The following PPP1R21 variants were observed in gnomAD, a reference collection of about 807,000 sequenced individuals.
The protein encoded by PPP1R21 is protein phosphatase 1 regulatory subunit 21, also known as KLRAQ motif containing 1.
A neutral mutation model predicts 112.8 loss-of-function variants in PPP1R21; 85 were observed. The observed-to-expected ratio is 0.75, with a 90% CI of 0.63 to 0.90. The LOEUF (loss-of-function observed/expected upper bound fraction) is 0.90, where lower values mean the gene tolerates loss of function less well. PPP1R21 is among the 40% of genes least tolerant of loss of function. PPP1R21 has a pLI of 0.00. For missense variants in PPP1R21, 1,199 were observed against 901.5 expected (o/e 1.33, Z -4.23); for synonymous variants, 381 against 322.3 (o/e 1.18, Z -1.95).
chr2:48,508,313 G>A (rs186695663), intron 19 of PPP1R21, among the ~76,000 whole-genome samples: 22 of 152,270 alleles, frequency 1.4e-4, no homozygotes, highest in African/African-American at 4.1e-4. Flanking sequence ...AATGCTTAAC[G>A]TTGTTAAATT....
intron 11 of PPP1R21, among the ~76,000 whole-genome samples, chr2:48,472,101 G>A (rs1020185620): frequency 2.6e-5 from 4 of 151,732 alleles, no homozygotes; most frequent in Admixed American, 1.3e-4. Context: ...TTAGCCGGGC[G>A]TTGTGGTGCA....
chr2:48,479,653 A>G (rs996538933), intron 12 of PPP1R21: 25 of 612,670 alleles, frequency 4.1e-5, no homozygotes, highest in Middle Eastern at 5.4e-4. Context: ...CTTTCGTTTT[A>G]CAAAGAATCA....
intron 7 of PPP1R21, 87 bp downstream of exon 7, chr2:48,461,319 G>C: frequency 7.3e-7 from 1 of 1,365,558 alleles, no homozygotes; most frequent in Non-Finnish European, 9.5e-7. Flanking sequence ...TAATCTTTTG[G>C]GCAAAAAATT....
At chr2:48,465,722 A>G in intron 9 of PPP1R21, 80 bp downstream of exon 9, 1 of 1,304,364 alleles carries the variant, frequency 7.7e-7, no homozygotes. Flanking sequence ...TCTTCTGTGC[A>G]CCATCCAAGT....
intron 17 of PPP1R21, among the ~76,000 whole-genome samples, chr2:48,503,135 A>G (rs1273002410): frequency 6.6e-6 from 1 of 152,142 alleles, no homozygotes; most frequent in East Asian, 1.9e-4. Context: ...AACAATATAC[A>G]TTTCTGTTTT....
Position 48,440,974 on chromosome 2 carries a change from G to C in PPP1R21, c.21G>C (p.Gln7His). Residue 7 changes from glutamine (Q) to histidine (H), a missense_variant, in exon 1 of 22, where the codon CAG becomes CAC. Physicochemically the swap from Gln to His is conservative, Grantham distance 24. Coordinates refer to ENST00000294952, the MANE Select transcript of PPP1R21 (RefSeq NM_001135629.3). ...AGGCCATGGCCTCGGCTGAGTTGCA[G>C]GGGAAGTACCAGAAGCTGGCTCAGG... MASAEL[Q>H]GKYQKLAQEY... is the part of the protein sequence containing the mutation. 6.2e-7 allele frequency: 1 copy of C among 1,612,294 alleles called. No homozygotes were observed. The highest frequency in any genetic ancestry group is 8.5e-7 in the Non-Finnish European group (1 of 1,178,904).
intron 12 of PPP1R21, chr2:48,479,482 A>G (rs750153288): frequency 5.9e-5 from 28 of 472,808 alleles, no homozygotes; most frequent in Non-Finnish European, 1.1e-4. Flanking sequence ...AAATTTTACC[A>G]GTTTTGCAGA....
At chr2:48,473,751 T>G (rs1370124783) in intron 11 of PPP1R21, among the ~76,000 whole-genome samples, 1 of 146,786 alleles carries the variant, frequency 6.8e-6, no homozygotes, top group Non-Finnish European at 1.5e-5. Flanking sequence ...TCTAAAAACC[T>G]TTTTTTTTTG....
At chr2:48,501,454 G>T (rs946363679) in intron 17 of PPP1R21, among the ~76,000 whole-genome samples, 2 of 152,312 alleles carry the variant, frequency 1.3e-5, no homozygotes. Context: ...GTATTAGTCA[G>T]TCAGTCAGTC....
chr2:48,489,306 C>T (rs1289583700), intron 14 of PPP1R21, among the ~76,000 whole-genome samples: 1 of 150,408 alleles, frequency 6.6e-6, no homozygotes, highest in African/African-American at 2.4e-5. Flanking sequence ...AGTTCAAGAC[C>T]AGCCTGGGCA....
rs1667899926 is a variant in PPP1R21 at position 48,459,880 on chromosome 2, A to G, written c.502A>G (p.Thr168Ala). Residue 168 changes from threonine to alanine, a missense_variant, in exon 5 of 22, where the codon ACC becomes GCC. Coordinates refer to ENST00000294952, the MANE Select transcript of PPP1R21 (RefSeq NM_001135629.3). Reference sequence around the variant, plus strand: ...CGGTCTCACCCGGAAGTACATGGAAACCATTGAGAAGCTGCAGAACGACAA... The same window carrying G: ...CGGTCTCACCCGGAAGTACATGGAAGCCATTGAGAAGCTGCAGAACGACAA... ...VDGLTRKYME[T>A]IEKLQNDKAK... 1 of 1,614,210 alleles carries G rather than the reference A, an allele frequency of 6.2e-7. No individual in the cohort carries two copies. The highest frequency in any genetic ancestry group is 8.5e-7 in the Non-Finnish European group (1 of 1,180,044).
chr2:48,507,873 C>G (rs1255961847), intron 19 of PPP1R21, among the ~76,000 whole-genome samples: 1 of 144,436 alleles, frequency 6.9e-6, no homozygotes, highest in East Asian at 2.1e-4. Flanking sequence ...TCGAGCGATT[C>G]TCCCGCCCCA....
At chr2:48,491,313 C>G in intron 15 of PPP1R21, 143 bp downstream of exon 15, 5 of 885,734 alleles carry the variant, frequency 5.6e-6, no homozygotes, top group Non-Finnish European at 8.3e-6. Context: ...TGGGGGAGGG[C>G]TGTGGGGAAG....
intron 7 of PPP1R21, among the ~76,000 whole-genome samples, chr2:48,464,361 A>T (rs1668107830): frequency 6.6e-6 from 1 of 152,118 alleles, no homozygotes; most frequent in Admixed American, 6.5e-5. Context: ...ATGAGGAGAG[A>T]TGCAGCTCAT....
rs1270603129 is a variant in PPP1R21 at position 48,451,066 on chromosome 2, C to T, written c.116C>T (p.Ala39Val). 3 of 1,612,978 alleles carry T rather than the reference C, an allele frequency of 1.9e-6. No homozygotes were observed. Among genetic ancestry groups the T allele is most frequent in the Admixed American group, 1.7e-5 (1 of 60,014 alleles). Residue 39 changes from alanine to valine, a missense_variant, in exon 2 of 22, where the codon GCA (alanine) becomes GTA (valine). Physicochemically the swap from Ala to Val is moderately conservative, Grantham distance 64. Transcript: ENST00000294952. Reference sequence around the variant, plus strand: ...GTTGTGGATGAACAAGCAAATTCTGCAGCTTTAAAGGTGGGCAACAGGATA... The same window carrying T: ...GTTGTGGATGAACAAGCAAATTCTGTAGCTTTAAAGGTGGGCAACAGGATA... Reference protein sequence around the residue: ...KGVVDEQANSAALKEQLKMKD... With the variant: ...KGVVDEQANSVALKEQLKMKD...
chr2:48,486,714 T>C lies in PPP1R21; in HGVS notation c.1402T>C (p.Cys468Arg). Residue 468 changes from cysteine (C) to arginine (R), a missense_variant, in exon 14 of 22, where the codon TGT becomes CGT. Transcript: ENST00000294952. ...ACAGAAGCTGATAACAACTAATGAC[T>C]GTATCCTGTCATCAGTAGTGGCATT... ...ATQKLITTND[C>R]ILSSVVALTN... The C allele has an allele frequency of 3.7e-6, 6 of 1,613,342 alleles. No individual in the cohort carries two copies. The highest frequency in any genetic ancestry group is 5.1e-6 in the Non-Finnish European group (6 of 1,179,294).
chr2:48,472,665 T>C (rs560165042), intron 11 of PPP1R21, among the ~76,000 whole-genome samples: 20 of 150,844 alleles, frequency 1.3e-4, no homozygotes, highest in African/African-American at 4.6e-4. Flanking sequence ...ATACTGAAAA[T>C]AGGCCAGGCA....
chr2:48,469,183 C>T (rs1048019036), intron 9 of PPP1R21, among the ~76,000 whole-genome samples: 3 of 149,962 alleles, frequency 2.0e-5, no homozygotes, highest in Non-Finnish European at 4.4e-5. Context: ...CCTCCCACAA[C>T]ATGTAGGAAT....
chr2:48,455,887 G>A (rs986659755), intron 3 of PPP1R21, among the ~76,000 whole-genome samples: 4 of 151,768 alleles, frequency 2.6e-5, no homozygotes, highest in African/African-American at 7.3e-5. Flanking sequence ...GTTGGCAGGC[G>A]CCTATAGTTC....
Sources: gnomAD v4.1 joint callset for allele counts (sites outside exome capture counted in the v4.1 genomes callset) on GRCh38, gnomAD v4.1.1 for gene constraint, MANE v1.5 for transcripts, NCBI Gene and HGNC (gene_info 2026-07-23, HGNC 2026-07-21) for gene names.